Variants in CTNND2 observed in about 807,000 individuals in gnomAD.
CTNND2 encodes catenin delta 2.
A neutral mutation model predicts 144.4 loss-of-function variants in CTNND2; 22 were observed. The ratio of observed to expected loss-of-function variants is 0.15; its 90% confidence interval spans 0.11 to 0.22. The LOEUF (loss-of-function observed/expected upper bound fraction) is 0.22. Among genes scored for constraint, CTNND2 ranks in the 10% least tolerant of loss-of-function variants. The probability of loss-of-function intolerance (pLI) is 1.00; values close to 1 mark genes in which losing one functional copy is unlikely to be tolerated. For missense variants in CTNND2, 1,353 were observed against 1,618.8 expected (o/e 0.84, Z 2.82); for synonymous variants, 751 against 695.6 (o/e 1.08, Z -1.25).
chr5:11,849,276 C>T (rs1173703104), intron 1 of CTNND2, among the ~76,000 whole-genome samples: 2 of 152,114 alleles, frequency 1.3e-5, no homozygotes, highest in East Asian at 1.9e-4. Flanking sequence ...GGAAACTGCC[C>T]CCATGATTCA....
At chr5:11,116,030 T>G (rs1041135269) in intron 13 of CTNND2, among the ~76,000 whole-genome samples, 1 of 152,252 alleles carries the variant, frequency 6.6e-6, no homozygotes, top group Non-Finnish European at 1.5e-5. Flanking sequence ...AAGCTCTATC[T>G]ACTATGGCAG....
intron 9 of CTNND2, among the ~76,000 whole-genome samples, chr5:11,267,411 C>T (rs1220616266): frequency 1.3e-5 from 2 of 152,152 alleles, no homozygotes; most frequent in East Asian, 3.9e-4. Flanking sequence ...TTGGATCTGC[C>T]TCTCCAGGGG....
chr5:11,240,262 A>C (rs1742125674), intron 9 of CTNND2, among the ~76,000 whole-genome samples: 1 of 132,268 alleles, frequency 7.6e-6, no homozygotes. Context: ...CACACCCAAC[A>C]CACACACACC....
chr5:11,621,224 G>A (rs1486587863), intron 2 of CTNND2, among the ~76,000 whole-genome samples: 1 of 152,076 alleles, frequency 6.6e-6, no homozygotes, highest in South Asian at 2.1e-4. Flanking sequence ...TTCTTAAAAA[G>A]TAATTTTGTA....
chr5:11,527,993 A>G (rs115128630), intron 3 of CTNND2, among the ~76,000 whole-genome samples: 22 of 152,354 alleles, frequency 1.4e-4, no homozygotes, highest in African/African-American at 4.8e-4. Context: ...GAATAATATC[A>G]TAATAACATA....
chr5:10,981,026 A>T (rs1737177022), intron 21 of CTNND2, among the ~76,000 whole-genome samples: 2 of 152,194 alleles, frequency 1.3e-5, no homozygotes, highest in South Asian at 4.1e-4. Flanking sequence ...CATGTACCCC[A>T]GAACTTAAAG....
chr5:11,285,723 C>T (rs916928262), intron 9 of CTNND2, among the ~76,000 whole-genome samples: 1 of 152,100 alleles, frequency 6.6e-6, no homozygotes, highest in Non-Finnish European at 1.5e-5. Context: ...CAATTCTTAC[C>T]TCCGCTTCCC....
At chr5:11,103,201 T>TG (rs1033742892) in intron 14 of CTNND2, among the ~76,000 whole-genome samples, 1 of 151,630 alleles carries the variant, frequency 6.6e-6, no homozygotes, top group Non-Finnish European at 1.5e-5. Flanking sequence ...TGGCTGGTCT[T>TG]GAACTCCTGA....
At chr5:11,437,357 C>G (rs958614690) in intron 3 of CTNND2, among the ~76,000 whole-genome samples, 2 of 152,164 alleles carry the variant, frequency 1.3e-5, no homozygotes, top group African/African-American at 4.8e-5. Flanking sequence ...CTAATCTGTG[C>G]CCACCACGGT....
intron 1 of CTNND2, among the ~76,000 whole-genome samples, chr5:11,775,062 G>A (rs1790177249): frequency 6.6e-6 from 1 of 152,030 alleles, no homozygotes. Flanking sequence ...GCGGGGGGGC[G>A]GTGCGGGCAA....
intron 1 of CTNND2, among the ~76,000 whole-genome samples, chr5:11,781,097 C>T (rs150426681): frequency 1.3e-5 from 2 of 152,212 alleles, no homozygotes; most frequent in East Asian, 3.9e-4. Context: ...TCAAGGTAGG[C>T]ATGGAAGAGA....
chr5:11,716,846 C>T (rs1380122875), intron 2 of CTNND2, among the ~76,000 whole-genome samples: 1 of 151,842 alleles, frequency 6.6e-6, no homozygotes, highest in Non-Finnish European at 1.5e-5. Flanking sequence ...ATCATCATGC[C>T]CAGCTAAGTT....
intron 15 of CTNND2, among the ~76,000 whole-genome samples, chr5:11,092,875 C>T (rs972306326): frequency 2.0e-5 from 3 of 152,090 alleles, no homozygotes; most frequent in African/African-American, 7.2e-5. Context: ...ACTAATCTGC[C>T]CTGGTTCACT....
intron 3 of CTNND2, among the ~76,000 whole-genome samples, chr5:11,462,825 A>C (rs1398550703): frequency 2.0e-5 from 3 of 152,106 alleles, no homozygotes; most frequent in African/African-American, 7.2e-5. Context: ...ACTTGTCTGC[A>C]GCAAATAAAC....
At chr5:11,004,770 C>CA (rs56261802) in intron 18 of CTNND2, among the ~76,000 whole-genome samples, 4,205 of 88,678 alleles carry the variant, frequency 0.047, 92 homozygotes, top group Non-Finnish European at 0.07. Flanking sequence ...CTCCTTCTCA[C>CA]AAAAAAAAAA....
intron 11 of CTNND2, among the ~76,000 whole-genome samples, chr5:11,187,735 A>G (rs1291452202): frequency 1.3e-5 from 2 of 152,204 alleles, no homozygotes; most frequent in African/African-American, 2.4e-5. Context: ...CAGAGTTTAC[A>G]AAAATACTTA....
At chr5:11,459,530 G>C (rs913641478) in intron 3 of CTNND2, among the ~76,000 whole-genome samples, 2 of 152,146 alleles carry the variant, frequency 1.3e-5, no homozygotes, top group Non-Finnish European at 2.9e-5. Flanking sequence ...ACCATGTATG[G>C]GGACAGACTT....
At chr5:11,402,255 A>G (rs1256622977) in intron 5 of CTNND2, among the ~76,000 whole-genome samples, 1 of 152,168 alleles carries the variant, frequency 6.6e-6, no homozygotes, top group Admixed American at 6.5e-5. Flanking sequence ...ACTCATTCTC[A>G]AACTTAAACT....
intron 8 of CTNND2, among the ~76,000 whole-genome samples, chr5:11,360,108 A>G (rs1011672064): frequency 6.6e-6 from 1 of 152,150 alleles, no homozygotes; most frequent in East Asian, 1.9e-4. Flanking sequence ...CTGAGTTGGT[A>G]CCCAAGATTT....
Sources: gnomAD v4.1 joint callset for allele counts (sites outside exome capture counted in the v4.1 genomes callset) on GRCh38, gnomAD v4.1.1 for gene constraint, MANE v1.5 for transcripts, NCBI Gene and HGNC (gene_info 2026-07-23, HGNC 2026-07-21) for gene names.